PTPRD: variants seen among roughly 807,000 people sequenced by gnomAD.
PTPRD encodes protein tyrosine phosphatase receptor type D.
In PTPRD, 34 loss-of-function variants were observed where a neutral mutation model predicts 214.5. That is an observed-to-expected ratio of 0.16 (90% CI 0.12 to 0.21). The LOEUF is 0.21. Ranked by LOEUF, PTPRD falls within the 10% of genes least tolerant of loss-of-function variation. The probability of loss-of-function intolerance (pLI) is 1.00; values close to 1 mark genes in which losing one functional copy is unlikely to be tolerated. For missense variants in PTPRD, 2,545 were observed against 2,398.7 expected, an observed-to-expected ratio of 1.06 and a Z score of -1.27; for synonymous variants, 1,128 against 845.7, an observed-to-expected ratio of 1.33 and a Z score of -5.79.
chr9:10,084,724 A>G (rs938117936), intron 3 of PTPRD, among the ~76,000 whole-genome samples: 41 of 151,986 alleles, frequency 2.7e-4, no homozygotes, highest in African/African-American at 9.7e-4. Context: ...TGGTGTGAAA[A>G]TAGCCTTAGA....
rs75732038 is a variant in PTPRD, at chr9:9,031,048, C to T, written c.-142-12313G>A. 7.6e-3 allele frequency among the ~76,000 whole-genome samples: 1,159 copies of T among 151,656 alleles called. 12 individuals carry two copies. The highest frequency in any genetic ancestry group is 0.013 in the Non-Finnish European group (905 of 67,892). The stretch of plus-strand genomic sequence containing the variant: ...GTACTTAAGACTTTGGTAAAATGGA[C>T]GTGGAAATAGGGGGAATGGTTAAAT... On this transcript the variant is annotated intron_variant, in intron 10 of 45. Coordinates refer to ENST00000381196, the MANE Select transcript of PTPRD (RefSeq NM_002839.4).
At chr9:10,541,721 T>C (rs536066881) in intron 2 of PTPRD, among the ~76,000 whole-genome samples, 1 of 152,144 alleles carries the variant, frequency 6.6e-6, no homozygotes, top group South Asian at 2.1e-4. Flanking sequence ...GTTTAATACT[T>C]TAATCAGACA....
chr9:8,414,458 G>A (rs1253174711), intron 35 of PTPRD, among the ~76,000 whole-genome samples: 1 of 152,184 alleles, frequency 6.6e-6, no homozygotes. Flanking sequence ...TATACAATTA[G>A]TTGGCTATTT....
intron 10 of PTPRD, among the ~76,000 whole-genome samples, chr9:9,136,430 C>A (rs562580215): frequency 7.4e-4 from 112 of 152,110 alleles, no homozygotes; most frequent in African/African-American, 2.5e-3. Context: ...ACTTTCAAAT[C>A]ATCATCTGAA....
chr9:8,635,204 G>A (rs2096392723), intron 13 of PTPRD, among the ~76,000 whole-genome samples: 1 of 150,942 alleles, frequency 6.6e-6, no homozygotes, highest in East Asian at 1.9e-4. Context: ...ACTCTCATGG[G>A]GAATTAGGCA....
In PTPRD at chr9:8,486,253, C is replaced by A. The variant is rs1256737547; in HGVS notation, c.2564G>T (p.Gly855Val). 2.5e-6 allele frequency: 4 copies of A among 1,614,142 alleles called. No individual in the cohort carries two copies. The South Asian group carries it at 3.3e-5, about 13-fold the overall frequency. Residue 855 changes from glycine to valine, a missense_variant, in exon 28 of 46, where the codon GGC becomes GTC. Coordinates refer to ENST00000381196, the MANE Select transcript of PTPRD (RefSeq NM_002839.4). ...CTTGCGGCCAAATTTTAGACGGTAG[C>A]CCTGAAGAGGTCCAAATGTGTCCAC... ...PPVDTFGPLQ[G>V]YRLKFGRKDM...
intron 9 of PTPRD, among the ~76,000 whole-genome samples, chr9:9,281,189 C>T (rs1444131611): frequency 6.6e-6 from 1 of 150,950 alleles, no homozygotes; most frequent in Non-Finnish European, 1.5e-5. Context: ...TCTGAATGAC[C>T]TTAGGTATGG....
intron 5 of PTPRD, among the ~76,000 whole-genome samples, chr9:9,876,953 A>G (rs1016837261): frequency 6.6e-6 from 1 of 152,226 alleles, no homozygotes; most frequent in Non-Finnish European, 1.5e-5. Flanking sequence ...AAGAAACAAG[A>G]AAACATAAGT....
chr9:9,256,653 C>T (rs551444028), intron 9 of PTPRD, among the ~76,000 whole-genome samples: 30 of 151,956 alleles, frequency 2.0e-4, no homozygotes, highest in Non-Finnish European at 3.8e-4. Context: ...TATTATAAGA[C>T]AGTACTTATA....
rs573957119 is a variant in PTPRD, at chr9:9,888,983, C to G, written c.-368+49524G>C. The stretch of plus-strand genomic sequence containing the variant: ...AAGTATGCTGAAAAATACAGAAGTT[C>G]TAGGACATTATATTAAGTGAAATAA... On this transcript the variant is annotated intron_variant, in intron 5 of 45. Transcript: ENST00000381196. Among the ~76,000 whole-genome samples, 144 of 152,104 alleles carry G rather than the reference C, an allele frequency of 9.5e-4. 2 individuals carry two copies. The South Asian group carries it at 0.028, about 30-fold the overall frequency.
At chr9:10,568,428 C>T (rs1212549538) in intron 2 of PTPRD, among the ~76,000 whole-genome samples, 2 of 151,906 alleles carry the variant, frequency 1.3e-5, no homozygotes, top group African/African-American at 2.4e-5. Context: ...AATAAACATA[C>T]GTGTGCATGT....
chr9:9,792,853 T>C (rs923189072), intron 5 of PTPRD, among the ~76,000 whole-genome samples: 4 of 152,144 alleles, frequency 2.6e-5, no homozygotes, highest in Non-Finnish European at 5.9e-5. Flanking sequence ...TGAAATTTAA[T>C]GGTGTTTATA....
At chr9:10,564,015 C>G (rs1055597822) in intron 2 of PTPRD, among the ~76,000 whole-genome samples, 2 of 151,210 alleles carry the variant, frequency 1.3e-5, no homozygotes, top group Non-Finnish European at 2.9e-5. Flanking sequence ...TTTTTTCTCT[C>G]TCTCTTTTGA....
intron 8 of PTPRD, among the ~76,000 whole-genome samples, chr9:9,480,102 C>T (rs529144400): frequency 1.8e-4 from 28 of 152,236 alleles, no homozygotes; most frequent in African/African-American, 6.5e-4. Context: ...ATACTGCCCA[C>T]AAAATTTGTT....
At chr9:9,031,491 T>C (rs1216847085) in intron 10 of PTPRD, among the ~76,000 whole-genome samples, 1 of 152,050 alleles carries the variant, frequency 6.6e-6, no homozygotes, top group Non-Finnish European at 1.5e-5. Flanking sequence ...TGTAACAGAA[T>C]ATTTGTGTAT....
chr9:9,497,917 A>G (rs1221200302), intron 8 of PTPRD, among the ~76,000 whole-genome samples: 1 of 152,154 alleles, frequency 6.6e-6, no homozygotes, highest in East Asian at 1.9e-4. Context: ...CAGTTTTCTC[A>G]TCTATAAACT....
At chr9:10,582,794 T>C (rs1051733274) in intron 2 of PTPRD, among the ~76,000 whole-genome samples, 2 of 152,310 alleles carry the variant, frequency 1.3e-5, no homozygotes, top group African/African-American at 4.8e-5. Context: ...ATAAATACTG[T>C]GCAGAAGTAA....
At chr9:9,068,842 C>A (rs10977472) in intron 10 of PTPRD, among the ~76,000 whole-genome samples, 9,275 of 152,082 alleles carry the variant, frequency 0.061, 815 homozygotes, top group African/African-American at 0.2. Flanking sequence ...GATCTCCTGA[C>A]CTTGTGATCT....
chr9:10,472,282 G>A (rs973199979), intron 2 of PTPRD, among the ~76,000 whole-genome samples: 3 of 152,168 alleles, frequency 2.0e-5, no homozygotes, highest in Middle Eastern at 3.4e-3. Flanking sequence ...ATCTGACACT[G>A]CAAACTCATT....
Sources: allele counts gnomAD v4.1 joint callset (sites outside exome capture counted in the v4.1 genomes callset), GRCh38; gene constraint gnomAD v4.1.1; transcripts MANE v1.5; gene names NCBI Gene and HGNC (gene_info 2026-07-23, HGNC 2026-07-21).